Variants in CMTM8 observed in about 807,000 individuals in gnomAD.
CMTM8 encodes CKLF like MARVEL transmembrane domain containing 8, also known as CKLF-like MARVEL transmembrane domain-containing protein 8.
In CMTM8, 12 loss-of-function variants were observed where a neutral mutation model predicts 18.6. That is an observed-to-expected ratio of 0.65 (90% CI 0.41 to 1.05). CMTM8 has a LOEUF of 1.05. Ranked by LOEUF, CMTM8 falls within the 50% of genes least tolerant of loss-of-function variation. The pLI, the probability that CMTM8 is intolerant of heterozygous loss-of-function variation, is 0.00. For missense variants in CMTM8, 217 were observed against 227.2 expected (o/e 0.95, Z 0.29); for synonymous variants, 87 against 90.6 (o/e 0.96, Z 0.23).
At chr3:32,292,108 T>A (rs762701386) in intron 1 of CMTM8, among the ~76,000 whole-genome samples, 4 of 152,158 alleles carry the variant, frequency 2.6e-5, no homozygotes, top group Admixed American at 6.5e-5. Flanking sequence ...ACAGAATGTT[T>A]TGTGTTTCAA....
At chr3:32,339,965 A>T (rs1238978139) in intron 1 of CMTM8, among the ~76,000 whole-genome samples, 2 of 152,158 alleles carry the variant, frequency 1.3e-5, no homozygotes, top group East Asian at 1.9e-4. Context: ...TCCATCTCAA[A>T]AAATAAATAA....
At chr3:32,245,158 C>A (rs1182280418) in intron 1 of CMTM8, among the ~76,000 whole-genome samples, 3 of 152,124 alleles carry the variant, frequency 2.0e-5, no homozygotes, top group Admixed American at 2.0e-4. Flanking sequence ...CCTTTGCAAT[C>A]CCATTCCTGA....
intron 1 of CMTM8, among the ~76,000 whole-genome samples, chr3:32,355,837 C>T (rs1278570029): frequency 6.6e-6 from 1 of 152,184 alleles, no homozygotes; most frequent in Non-Finnish European, 1.5e-5. Context: ...CAGACCTTTG[C>T]CCACGCTGTG....
intron 1 of CMTM8, among the ~76,000 whole-genome samples, chr3:32,248,423 G>A (rs1032367685): frequency 2.0e-5 from 3 of 152,080 alleles, no homozygotes; most frequent in South Asian, 2.1e-4. Context: ...GTGCGGTAGC[G>A]CGATCTTGGC....
intron 1 of CMTM8, among the ~76,000 whole-genome samples, chr3:32,243,569 A>G (rs890707833): frequency 9.9e-5 from 15 of 151,402 alleles, no homozygotes; most frequent in Admixed American, 2.6e-4. Flanking sequence ...TTTTAAAAGT[A>G]TAGGTTGGGA....
At chr3:32,348,833 T>C (rs1696651285) in intron 1 of CMTM8, among the ~76,000 whole-genome samples, 1 of 152,122 alleles carries the variant, frequency 6.6e-6, no homozygotes, top group Non-Finnish European at 1.5e-5. Flanking sequence ...TTTGACCTTC[T>C]GAACCCATCC....
chr3:32,353,406 G>A (rs527598534), intron 1 of CMTM8, among the ~76,000 whole-genome samples: 2 of 152,296 alleles, frequency 1.3e-5, no homozygotes, highest in African/African-American at 4.8e-5. Flanking sequence ...GGTATACAAA[G>A]GCATAGGTTA....
At chr3:32,352,030 T>C (rs1226129491) in intron 1 of CMTM8, among the ~76,000 whole-genome samples, 1 of 151,364 alleles carries the variant, frequency 6.6e-6, no homozygotes, top group Non-Finnish European at 1.5e-5. Context: ...TACAAAAAAT[T>C]AGCCAAGCAT....
intron 2 of CMTM8, among the ~76,000 whole-genome samples, chr3:32,365,609 TA>T (rs1171859799): frequency 1.3e-5 from 2 of 152,120 alleles, no homozygotes; most frequent in African/African-American, 4.8e-5. Context: ...CACATTTGCC[TA>T]ATTTTTGTAT....
In CMTM8 at chr3:32,322,716, T is replaced by C. The variant is rs543170793; in HGVS notation, c.148-34657T>C. Among the ~76,000 whole-genome samples, 4 of 152,100 alleles carry C rather than the reference T, an allele frequency of 2.6e-5. No homozygotes were observed. The East Asian group carries it at 5.8e-4, about 22-fold the overall frequency. On this transcript the variant is annotated intron_variant, in intron 1 of 3. Coordinates refer to ENST00000307526, the MANE Select transcript of CMTM8 (RefSeq NM_178868.5). ...GGGTGCCTGGCCCAAGATGGGCCAA[T>C]AGTGGCATAGTACTCCCTGGGAAAT...
intron 1 of CMTM8, among the ~76,000 whole-genome samples, chr3:32,246,359 G>T (rs1182616868): frequency 6.6e-6 from 1 of 152,220 alleles, no homozygotes; most frequent in African/African-American, 2.4e-5. Flanking sequence ...TCCCTGCTGG[G>T]TCTCTGCTGG....
intron 1 of CMTM8, among the ~76,000 whole-genome samples, chr3:32,323,522 G>A (rs1316621291): frequency 6.6e-6 from 1 of 152,124 alleles, no homozygotes; most frequent in East Asian, 1.9e-4. Flanking sequence ...ACCCCCAATA[G>A]TCTTTCCATA....
intron 1 of CMTM8, among the ~76,000 whole-genome samples, chr3:32,328,098 G>A (rs1428582077): frequency 6.6e-6 from 1 of 152,014 alleles, no homozygotes; most frequent in Non-Finnish European, 1.5e-5. Context: ...TTTAAGTGAC[G>A]GCACAGTGGC....
intron 1 of CMTM8, among the ~76,000 whole-genome samples, chr3:32,330,971 A>G (rs1392253506): frequency 6.6e-6 from 1 of 152,228 alleles, no homozygotes; most frequent in Non-Finnish European, 1.5e-5. Context: ...GACAAAAGCA[A>G]CAGTAGACAA....
chr3:32,256,904 C>G (rs1164169098), intron 1 of CMTM8, among the ~76,000 whole-genome samples: 2 of 152,216 alleles, frequency 1.3e-5, no homozygotes, highest in East Asian at 1.9e-4. Context: ...TTCAAATCCA[C>G]TCCTCTGTGG....
At chr3:32,321,678 G>C (rs552050114) in intron 1 of CMTM8, among the ~76,000 whole-genome samples, 1 of 152,258 alleles carries the variant, frequency 6.6e-6, no homozygotes, top group African/African-American at 2.4e-5. Flanking sequence ...GCTCACTGCA[G>C]CCCTGACTTC....
chr3:32,263,876 A>G (rs887071813), intron 1 of CMTM8, among the ~76,000 whole-genome samples: 1 of 152,188 alleles, frequency 6.6e-6, no homozygotes, highest in Non-Finnish European at 1.5e-5. Flanking sequence ...TGAATGAAAT[A>G]AAGCGAGAAG....
intron 1 of CMTM8, among the ~76,000 whole-genome samples, chr3:32,327,684 T>C (rs747633021): frequency 6.6e-5 from 10 of 152,214 alleles, no homozygotes; most frequent in Non-Finnish European, 1.2e-4. Flanking sequence ...TAGTATTTAA[T>C]GTAGGTAGAA....
chr3:32,303,833 A>T lies in CMTM8; in HGVS notation c.148-53540A>T, dbSNP rs547274285. 5.3e-5 allele frequency among the ~76,000 whole-genome samples: 8 copies of T among 152,278 alleles called. No individual in the cohort carries two copies. In the South Asian group the frequency reaches 1.7e-3, roughly 32 times the overall value. On this transcript the variant is annotated intron_variant, in intron 1 of 3. Coordinates refer to ENST00000307526, the MANE Select transcript of CMTM8 (RefSeq NM_178868.5). ...CTGGGAAGTTGCAGGCCTGACATTT[A>T]TTCCCTAGGTATTTCAGTATGTATT... is the stretch of plus-strand genomic sequence containing the variant.
Sources: allele counts gnomAD v4.1 joint callset (sites outside exome capture counted in the v4.1 genomes callset), GRCh38; gene constraint gnomAD v4.1.1; transcripts MANE v1.5; gene names NCBI Gene and HGNC (gene_info 2026-07-23, HGNC 2026-07-21).